The following ZRANB3 variants were observed in gnomAD, a reference collection of about 807,000 sequenced individuals.
ZRANB3 encodes the protein zinc finger RANBP2-type containing 3, also known as DNA annealing helicase and endonuclease ZRANB3.
A neutral mutation model predicts 133.8 loss-of-function variants in ZRANB3; 125 were observed. The observed-to-expected ratio is 0.93, with a 90% confidence interval of 0.81 to 1.08. The LOEUF is 1.08. Ranked by LOEUF, ZRANB3 falls within the 50% of genes least tolerant of loss-of-function variation. The pLI is 0.00. For synonymous variants in ZRANB3, 387 were observed against 432.7 expected (o/e 0.89, Z 1.31); for missense variants, 1,229 against 1,275.5 (o/e 0.96, Z 0.56).
intron 7 of ZRANB3, among the ~76,000 whole-genome samples, chr2:135,314,528 C>T (rs887814892): frequency 2.0e-5 from 3 of 152,046 alleles, no homozygotes; most frequent in African/African-American, 7.2e-5. Context: ...CTGCAGTCTC[C>T]AAAAGTAAAC....
chr2:135,302,992 A>G (rs1023009680), intron 8 of ZRANB3, among the ~76,000 whole-genome samples: 19 of 152,238 alleles, frequency 1.2e-4, no homozygotes, highest in African/African-American at 4.3e-4. Flanking sequence ...CAACAGTCAA[A>G]GAAAAAAATT....
intron 2 of ZRANB3, among the ~76,000 whole-genome samples, chr2:135,405,245 G>C (rs550240279): frequency 2.6e-5 from 4 of 152,266 alleles, no homozygotes; most frequent in African/African-American, 9.6e-5. Flanking sequence ...AATGGTAAAG[G>C]GATAAGTTCA....
chr2:135,217,695 G>A, intron 16 of ZRANB3, 88 bp from the exon 17 acceptor site: 1 of 1,470,066 alleles, frequency 6.8e-7, no homozygotes, highest in Admixed American at 2.5e-5. Flanking sequence ...TCAGAAAACT[G>A]CTATTTTGTT....
intron 15 of ZRANB3, among the ~76,000 whole-genome samples, chr2:135,223,234 G>C (rs1285373666): frequency 6.6e-6 from 1 of 151,496 alleles, no homozygotes; most frequent in Non-Finnish European, 1.5e-5. Flanking sequence ...CTGGGCAACG[G>C]AGCGAGACTG....
chr2:135,442,209 C>A (rs1689811459), intron 2 of ZRANB3, among the ~76,000 whole-genome samples: 1 of 152,100 alleles, frequency 6.6e-6, no homozygotes, highest in African/African-American at 2.4e-5. Context: ...TCTAATTAAA[C>A]TAAAGAGCTT....
chr2:135,198,561 TAGA>T lies in ZRANB3; in HGVS notation c.*1778_*1780del, dbSNP rs1163392831. The stretch of plus-strand genomic sequence containing the variant: ...TTCTTACATCTGAGAACTTTCTCCT[TAGA>T]ATTATCACCTTAGTGTGATCTGAAG... On this transcript the variant is annotated 3_prime_UTR_variant, in exon 21 of 21. Coordinates refer to ENST00000264159, the MANE Select transcript of ZRANB3 (RefSeq NM_032143.4). 2.6e-5 allele frequency: 4 copies of T among 152,212 alleles called. No individual in the cohort carries two copies. The highest frequency in any genetic ancestry group is 4.4e-5 in the Non-Finnish European group (3 of 68,046). The allele number at this position is 152,212 out of a possible 1,614,324, so 9.4% of individuals were successfully genotyped here.
intron 6 of ZRANB3, among the ~76,000 whole-genome samples, chr2:135,331,635 T>C (rs1282205568): frequency 2.0e-5 from 3 of 152,210 alleles, no homozygotes; most frequent in Non-Finnish European, 4.4e-5. Flanking sequence ...CTGTCTAATA[T>C]TGACAGTGGG....
chr2:135,506,198 CTGGTCAACG>C (rs1226064674), intron 1 of ZRANB3, among the ~76,000 whole-genome samples: 1 of 152,048 alleles, frequency 6.6e-6, no homozygotes, highest in Non-Finnish European at 1.5e-5. Flanking sequence ...TGAGACCAGC[CTGGTCAACG>C]TGGCGAAACA....
At chr2:135,363,205 G>A (rs1685766977) in intron 3 of ZRANB3, among the ~76,000 whole-genome samples, 1 of 152,138 alleles carries the variant, frequency 6.6e-6, no homozygotes, top group Non-Finnish European at 1.5e-5. Context: ...ATCTCGCACT[G>A]TTGCCCAGGC....
intron 18 of ZRANB3, among the ~76,000 whole-genome samples, chr2:135,208,102 CAT>C (rs1365670313): frequency 3.3e-5 from 5 of 152,110 alleles, no homozygotes; most frequent in Non-Finnish European, 2.9e-5. Flanking sequence ...GATCTGGAAA[CAT>C]GTGAAACATC....
At chr2:135,443,045 A>G (rs1402393539) in intron 2 of ZRANB3, among the ~76,000 whole-genome samples, 1 of 151,686 alleles carries the variant, frequency 6.6e-6, no homozygotes, top group Non-Finnish European at 1.5e-5. Context: ...GAATCTGGGA[A>G]GTTGAGCTTG....
At chr2:135,304,065 C>G (rs1682569361) in intron 8 of ZRANB3, among the ~76,000 whole-genome samples, 1 of 152,124 alleles carries the variant, frequency 6.6e-6, no homozygotes, top group East Asian at 1.9e-4. Flanking sequence ...TTACTTACTG[C>G]TTTTTGATAT....
chr2:135,440,951 A>G (rs1689753366), intron 2 of ZRANB3, among the ~76,000 whole-genome samples: 1 of 152,226 alleles, frequency 6.6e-6, no homozygotes, highest in African/African-American at 2.4e-5. Context: ...AAAAGGTTTA[A>G]GAAAAATGAA....
intron 3 of ZRANB3, among the ~76,000 whole-genome samples, chr2:135,362,147 G>C (rs944996976): frequency 2.0e-5 from 3 of 150,468 alleles, no homozygotes. Context: ...GCAGTGAGCT[G>C]AGATCGCGCC....
intron 2 of ZRANB3, among the ~76,000 whole-genome samples, chr2:135,492,429 G>A (rs1692431790): frequency 6.6e-6 from 1 of 152,234 alleles, no homozygotes; most frequent in East Asian, 1.9e-4. Flanking sequence ...CGAAAGGAAA[G>A]AACTAAGTGA....
At chr2:135,408,866 T>G (rs1376193704) in intron 2 of ZRANB3, among the ~76,000 whole-genome samples, 1 of 151,966 alleles carries the variant, frequency 6.6e-6, no homozygotes, top group South Asian at 2.1e-4. Context: ...TGGAGATATA[T>G]CTAATGTTAA....
chr2:135,498,204 C>A (rs1282678797), intron 2 of ZRANB3, among the ~76,000 whole-genome samples: 1 of 151,988 alleles, frequency 6.6e-6, no homozygotes, highest in Non-Finnish European at 1.5e-5. Context: ...GAGGAAAACA[C>A]AGGAAATCTC....
At chr2:135,420,691 T>C (rs1441311695) in intron 2 of ZRANB3, among the ~76,000 whole-genome samples, 1 of 152,168 alleles carries the variant, frequency 6.6e-6, no homozygotes, top group Non-Finnish European at 1.5e-5. Context: ...GTAAGAGTGC[T>C]CTTCTTATAT....
At chr2:135,481,554 A>C (rs1229337534) in intron 2 of ZRANB3, among the ~76,000 whole-genome samples, 7 of 151,846 alleles carry the variant, frequency 4.6e-5, no homozygotes, top group African/African-American at 7.3e-5. Context: ...ATTTTCTCCC[A>C]TTTTGTAGGT....
Sources: allele counts gnomAD v4.1 joint callset (sites outside exome capture counted in the v4.1 genomes callset), GRCh38; gene constraint gnomAD v4.1.1; transcripts MANE v1.5; gene names NCBI Gene and HGNC (gene_info 2026-07-23, HGNC 2026-07-21).